Variants in RBFOX1 observed in about 807,000 individuals in gnomAD.
RBFOX1 encodes RNA binding protein fox-1 homolog 1.
Under a neutral mutation model 57.7 loss-of-function variants are expected in RBFOX1, and 8 were observed. The ratio of observed to expected loss-of-function variants is 0.14; its 90% CI spans 0.08 to 0.25. The LOEUF (loss-of-function observed/expected upper bound fraction) is 0.25. RBFOX1 is among the 10% of genes least tolerant of loss of function. The probability of loss-of-function intolerance (pLI) is 1.00; values close to 1 mark genes in which losing one functional copy is unlikely to be tolerated. For missense variants in RBFOX1, 611 were observed against 548.5 expected, an observed-to-expected ratio of 1.11 and a Z score of -1.14; for synonymous variants, 326 against 222.4, an observed-to-expected ratio of 1.47 and a Z score of -4.15.
intron 4 of RBFOX1, among the ~76,000 whole-genome samples, chr16:7,216,931 G>C (rs1310983331): frequency 6.6e-6 from 1 of 151,320 alleles, no homozygotes; most frequent in Non-Finnish European, 1.5e-5. Context: ...AACAAAGTCA[G>C]AGTATTCAGG....
At position 5,908,265 on chromosome 16, in the gene RBFOX1, C is replaced by CAT. The variant is rs1273182800; in HGVS notation, c.351+40938_351+40939dup. Among the ~76,000 whole-genome samples the CAT allele has an allele frequency of 8.4e-5, 11 of 130,664 alleles. 1 individual carries two copies. In the East Asian group the frequency reaches 1.6e-3, roughly 19 times the overall value. 85.7% of individuals were successfully genotyped at this position (130,664 alleles called of 152,430 possible). A position where few individuals can be genotyped will look rare whatever the true frequency, so the allele number is the denominator to read the frequency against. ...ATATACATACACACACATATATACA[C>CAT]ATATATATACATACATATATATACA... On this transcript the variant is annotated intron_variant, in intron 4 of 19. Coordinates refer to the RBFOX1 transcript ENST00000641259.
chr16:7,168,741 A>T (rs1315815052), intron 4 of RBFOX1, among the ~76,000 whole-genome samples: 1 of 152,190 alleles, frequency 6.6e-6, no homozygotes, highest in Non-Finnish European at 1.5e-5. Context: ...AAATATCCAT[A>T]ACACATTATT....
intron 4 of RBFOX1, among the ~76,000 whole-genome samples, chr16:7,242,145 T>C (rs1396002255): frequency 6.6e-6 from 1 of 152,158 alleles, no homozygotes; most frequent in East Asian, 1.9e-4. Context: ...TTGGCACACA[T>C]GCGCACAGAG....
intron 4 of RBFOX1, among the ~76,000 whole-genome samples, chr16:7,196,192 G>C (rs11642066): frequency 0.41 from 62,776 of 152,008 alleles, 13,386 homozygotes; most frequent in Non-Finnish European, 0.47. Context: ...TAATCAGTAT[G>C]TTCCATAGTC....
intron 4 of RBFOX1, among the ~76,000 whole-genome samples, chr16:7,236,356 T>A (rs2093765200): frequency 6.6e-6 from 1 of 152,152 alleles, no homozygotes. Context: ...AGTAGAACAT[T>A]TCTCCCCTTC....
In RBFOX1 at chr16:5,845,381, C is replaced by G. The variant is rs948716352; in HGVS notation, c.319-21922C>G. Among the ~76,000 whole-genome samples the G allele has an allele frequency of 2.6e-5, 4 of 152,188 alleles. No individual in the cohort carries two copies. In the East Asian group the frequency reaches 7.7e-4, roughly 29 times the overall value. Reference sequence around the variant, plus strand: ...AGTTTCAGATCTCAGCTTGCTTCTCCAAGGAGGTCCACATCCAGCCCAGGG... The same window carrying G: ...AGTTTCAGATCTCAGCTTGCTTCTCGAAGGAGGTCCACATCCAGCCCAGGG... On this transcript the variant is annotated intron_variant, in intron 3 of 19. Coordinates refer to the RBFOX1 transcript ENST00000641259.
At chr16:7,401,202 C>T (rs2098236890) in intron 4 of RBFOX1, among the ~76,000 whole-genome samples, 1 of 152,180 alleles carries the variant, frequency 6.6e-6, no homozygotes, top group South Asian at 2.1e-4. Context: ...TTTTTCATCA[C>T]ACAGTAGTTG....
intron 4 of RBFOX1, among the ~76,000 whole-genome samples, chr16:7,384,694 A>C (rs533884846): frequency 6.6e-6 from 1 of 152,338 alleles, no homozygotes; most frequent in African/African-American, 2.4e-5. Context: ...ATGACAACCT[A>C]GACTTAGACT....
intron 5 of RBFOX1, among the ~76,000 whole-genome samples, chr16:7,520,941 G>T (rs1002501416): frequency 6.6e-6 from 1 of 152,142 alleles, no homozygotes; most frequent in Non-Finnish European, 1.5e-5. Context: ...CATACTAGCT[G>T]CCATGGTTGA....
intron 4 of RBFOX1, among the ~76,000 whole-genome samples, chr16:7,509,358 T>A (rs2074327625): frequency 6.6e-6 from 1 of 151,796 alleles, no homozygotes; most frequent in Admixed American, 6.6e-5. Flanking sequence ...ATGAATGAAT[T>A]CGTTTACATA....
chr16:6,210,771 A>G (rs1043350626), intron 1 of RBFOX1, among the ~76,000 whole-genome samples: 1 of 152,156 alleles, frequency 6.6e-6, no homozygotes, highest in Non-Finnish European at 1.5e-5. Context: ...TAAAAAAGGA[A>G]TCTTATGAAG....
intron 3 of RBFOX1, among the ~76,000 whole-genome samples, chr16:6,823,125 A>G (rs918855811): frequency 3.9e-5 from 6 of 152,172 alleles, no homozygotes; most frequent in Non-Finnish European, 7.3e-5. Context: ...CATTTTATGA[A>G]GCCTGTATTT....
intron 3 of RBFOX1, among the ~76,000 whole-genome samples, chr16:6,985,060 T>C (rs1351287764): frequency 7.3e-6 from 1 of 137,412 alleles, no homozygotes; most frequent in Non-Finnish European, 1.6e-5. Context: ...TTAGTTCCTC[T>C]GGATTTCATT....
intron 2 of RBFOX1, among the ~76,000 whole-genome samples, chr16:5,562,996 C>G (rs976286283): frequency 6.6e-6 from 1 of 152,148 alleles, no homozygotes; most frequent in African/African-American, 2.4e-5. Flanking sequence ...GTCACCCAGG[C>G]TGGAGTGCAG....
At chr16:7,594,441 A>G (rs1345199032) in intron 7 of RBFOX1, among the ~76,000 whole-genome samples, 1 of 152,204 alleles carries the variant, frequency 6.6e-6, no homozygotes. Context: ...AAATTGTTCG[A>G]AAGGTTGGTG....
chr16:6,035,039 T>TATC (rs2095347439), intron 1 of RBFOX1, among the ~76,000 whole-genome samples: 1 of 152,168 alleles, frequency 6.6e-6, no homozygotes, highest in Non-Finnish European at 1.5e-5. Flanking sequence ...ATTGCATAAT[T>TATC]ATCTGTTGTG....
intron 4 of RBFOX1, among the ~76,000 whole-genome samples, chr16:7,408,914 C>G (rs1254591372): frequency 2.0e-5 from 3 of 152,184 alleles, no homozygotes; most frequent in East Asian, 3.9e-4. Context: ...GTTGGAAGCG[C>G]TTGGCACCTT....
chr16:6,561,021 C>A (rs1172874656), intron 2 of RBFOX1, among the ~76,000 whole-genome samples: 1 of 152,166 alleles, frequency 6.6e-6, no homozygotes, highest in South Asian at 2.1e-4. Context: ...TCAAACGCAC[C>A]CTCCAACCAC....
At chr16:6,801,190 T>C (rs1033647168) in intron 3 of RBFOX1, among the ~76,000 whole-genome samples, 9 of 137,758 alleles carry the variant, frequency 6.5e-5, no homozygotes, top group African/African-American at 1.5e-4. Context: ...AGAATCAAGA[T>C]TGAACATGCA....
Sources: allele counts gnomAD v4.1 joint callset (sites outside exome capture counted in the v4.1 genomes callset), GRCh38; gene constraint gnomAD v4.1.1; transcripts MANE v1.5; gene names NCBI Gene and HGNC (gene_info 2026-07-23, HGNC 2026-07-21).